CTSC: variants seen among roughly 807,000 people sequenced by gnomAD.
CTSC encodes dipeptidyl peptidase 1.
A neutral mutation model predicts 40.9 loss-of-function variants in CTSC; 37 were observed. The ratio of observed to expected loss-of-function variants is 0.91; its 90% confidence interval spans 0.70 to 1.19. The LOEUF is 1.19. Among genes scored for constraint, CTSC ranks in the 50% most tolerant of loss-of-function variants. The pLI is 0.00. For missense variants in CTSC, 594 were observed against 567.3 expected (o/e 1.05, Z -0.48); for synonymous variants, 232 against 207.4 (o/e 1.12, Z -1.02).
At chr11:88,329,299 T>C (rs376182468) in intron 2 of CTSC, among the ~76,000 whole-genome samples, 2 of 151,668 alleles carry the variant, frequency 1.3e-5, no homozygotes, top group East Asian at 3.9e-4. Flanking sequence ...CTGGTCAACA[T>C]GGTGAAACCC....
chr11:88,336,311 C>T (rs605450), intron 1 of CTSC, among the ~76,000 whole-genome samples: 7 of 149,992 alleles, frequency 4.7e-5, no homozygotes, highest in East Asian at 3.9e-4. Flanking sequence ...GAGGCCGAGG[C>T]GGGCGGATCA....
chr11:88,324,975 A>C, intron 2 of CTSC: 1 of 985,410 alleles, frequency 1.0e-6, no homozygotes, highest in African/African-American at 1.7e-5. Flanking sequence ...TAAGGATGAC[A>C]AACTACTCTC....
At chr11:88,329,678 T>C (rs776330307) in intron 2 of CTSC, among the ~76,000 whole-genome samples, 18 of 152,064 alleles carry the variant, frequency 1.2e-4, no homozygotes, top group Non-Finnish European at 2.5e-4. Context: ...TCAGACATAA[T>C]TAAGCATTTT....
chr11:88,309,230 C>A lies in CTSC; in HGVS notation c.574G>T (p.Glu192Ter). 6.2e-7 allele frequency: 1 copy of A among 1,613,878 alleles called. No homozygotes were observed. Among genetic ancestry groups the A allele is most frequent in the Non-Finnish European group, 8.5e-7 (1 of 1,179,784 alleles). ...QKSWTATTYM[E>*]YETLTLGDMI... Reference sequence around the variant, plus strand: ...TCTCCCAGGGTAAGAGTCTCATATTCCATGTATGTAGTTGCAGTCCAAGAC... The same window carrying A: ...TCTCCCAGGGTAAGAGTCTCATATTACATGTATGTAGTTGCAGTCCAAGAC... Residue 192 changes from glutamate (E) to a stop codon, truncating the protein, a stop_gained, in exon 4 of 7, where the codon GAA (glutamate) becomes TAA (stop). Transcript: ENST00000227266. LOFTEE classifies it high-confidence loss of function.
intron 4 of CTSC, among the ~76,000 whole-genome samples, chr11:88,304,744 T>C (rs998726513): frequency 2.0e-5 from 3 of 152,218 alleles, no homozygotes; most frequent in African/African-American, 7.2e-5. Flanking sequence ...AAGATGGCGA[T>C]GAGAGTGACC....
In CTSC at chr11:88,312,108, A is replaced by C. The variant is rs668381; in HGVS notation, c.485+280T>G. ...ATGCAACATGTTATTACATGGCAATAAGCAAAATGGCTTTTCTTTATTAGT... is the reference window on the plus strand; with the variant it reads ...ATGCAACATGTTATTACATGGCAATCAGCAAAATGGCTTTTCTTTATTAGT... On this transcript the variant is annotated intron_variant, in intron 3 of 6. Transcript: ENST00000227266. Among the ~76,000 whole-genome samples the C allele has an allele frequency of 0.12, 17,758 of 152,242 alleles. 1,253 individuals are homozygous for C. Among genetic ancestry groups the C allele is most frequent in the East Asian group, 0.22 (1,140 of 5,186 alleles).
chr11:88,322,379 T>A (rs531645965), intron 2 of CTSC: 2 of 152,244 alleles, frequency 1.3e-5, no homozygotes, highest in East Asian at 3.9e-4. Flanking sequence ...TAATTTTGGG[T>A]TTTACATTTA....
chr11:88,297,965 A>G (rs1002957995), intron 5 of CTSC: 17 of 152,222 alleles, frequency 1.1e-4, no homozygotes, highest in Non-Finnish European at 7.3e-5. Context: ...TGAAGAACAC[A>G]CTGAACTAGG....
At chr11:88,326,227 G>A (rs1938181367) in intron 2 of CTSC, 3 of 1,437,882 alleles carry the variant, frequency 2.1e-6, no homozygotes, top group South Asian at 3.2e-5. Context: ...TTCCAAGGGA[G>A]TGTTCAGGAG....
chr11:88,337,466 G>A, intron 1 of CTSC, 35 bp downstream of exon 1: 5 of 1,554,054 alleles, frequency 3.2e-6, no homozygotes, highest in Non-Finnish European at 4.4e-6. Context: ...AGGGCAGAAA[G>A]GACGACCCGG....
chr11:88,320,945 G>C (rs1383898806), intron 2 of CTSC: 1 of 982,138 alleles, frequency 1.0e-6, no homozygotes, highest in Non-Finnish European at 1.2e-6. Context: ...TTAAAGACCA[G>C]AGAGGAATAC....
chr11:88,310,017 A>G (rs144122319), intron 3 of CTSC, among the ~76,000 whole-genome samples: 2 of 152,276 alleles, frequency 1.3e-5, no homozygotes, highest in Non-Finnish European at 2.9e-5. Flanking sequence ...AAATGCAAGC[A>G]TTATAACCAT....
rs1006847842 is a variant in CTSC at position 88,334,936 on chromosome 11, C to T, written c.318+1G>A. 1.9e-6 allele frequency: 3 copies of T among 1,609,698 alleles called. 1 individual carries two copies. The South Asian group carries it at 3.3e-5, about 18-fold the overall frequency. On this transcript the variant is annotated splice_donor_variant, in intron 2 of 6. Transcript: ENST00000227266. LOFTEE classifies it high-confidence loss of function. ...TAAATCCAACTTCCAACAAAACTAA[C>T]CTTAAAAAAGGCAAACCACTTGTAG...
chr11:88,306,976 C>G (rs1937646865), intron 4 of CTSC, among the ~76,000 whole-genome samples: 2 of 152,310 alleles, frequency 1.3e-5, no homozygotes, highest in Middle Eastern at 3.4e-3. Flanking sequence ...GCATGCTCCC[C>G]CTAGGGGTTT....
chr11:88,310,127 A>T (rs1937719121), intron 3 of CTSC, among the ~76,000 whole-genome samples: 1 of 151,318 alleles, frequency 6.6e-6, no homozygotes, highest in South Asian at 2.1e-4. Flanking sequence ...CCAGAAGTTT[A>T]TTAGAAATGC....
chr11:88,304,341 A>G (rs1937610143), intron 4 of CTSC, among the ~76,000 whole-genome samples: 1 of 152,208 alleles, frequency 6.6e-6, no homozygotes, highest in South Asian at 2.1e-4. Flanking sequence ...TGTTATGAAG[A>G]TAACATTCAT....
At chr11:88,336,699 G>C (rs897484175) in intron 1 of CTSC, among the ~76,000 whole-genome samples, 1 of 152,176 alleles carries the variant, frequency 6.6e-6, no homozygotes, top group African/African-American at 2.4e-5. Flanking sequence ...CAGGCTGTAA[G>C]AGGGTTTGGG....
At chr11:88,297,074 G>C (rs1944306964) in intron 5 of CTSC, 1 of 152,342 alleles carries the variant, frequency 6.6e-6, no homozygotes. Flanking sequence ...AGCTGTCCAA[G>C]GACACACAGC....
In CTSC at chr11:88,296,281, GAC is replaced by G; in HGVS notation, c.758-19_758-18del. On this transcript the variant is annotated intron_variant, in intron 5 of 6. Transcript: ENST00000227266. ...CACAGGATGCTGGCGATGAAAAAAA[GAC>G]ACATAATCCAAGAGACATCTGAAGC... 1 of 1,613,128 alleles carries G rather than the reference GAC, an allele frequency of 6.2e-7. No individual in the cohort carries two copies. The highest frequency in any genetic ancestry group is 1.1e-5 in the South Asian group (1 of 91,004).
Sources: gnomAD v4.1 joint callset for allele counts (sites outside exome capture counted in the v4.1 genomes callset) on GRCh38, gnomAD v4.1.1 for gene constraint, MANE v1.5 for transcripts, NCBI Gene and HGNC (gene_info 2026-07-23, HGNC 2026-07-21) for gene names.